Variants in OSBPL6 observed in about 807,000 individuals in gnomAD.
OSBPL6 encodes oxysterol binding protein like 6, also known as oxysterol-binding protein-related protein 6.
OSBPL6 carries 49 observed loss-of-function variants against 125.8 expected under a neutral mutation model. That is an observed-to-expected ratio of 0.39 (90% CI 0.31 to 0.49). The LOEUF (loss-of-function observed/expected upper bound fraction) is 0.49. Among genes scored for constraint, OSBPL6 ranks in the 20% least tolerant of loss-of-function variants. The probability of loss-of-function intolerance (pLI) is 0.88; values close to 1 mark genes in which losing one functional copy is unlikely to be tolerated. For missense variants in OSBPL6, 986 were observed against 1,135.4 expected, an observed-to-expected ratio of 0.87 and a Z score of 1.89; for synonymous variants, 394 against 391.8, an observed-to-expected ratio of 1.01 and a Z score of -0.07.
intron 14 of OSBPL6, among the ~76,000 whole-genome samples, chr2:178,373,381 T>C (rs1693579449): frequency 6.6e-6 from 1 of 152,222 alleles, no homozygotes; most frequent in African/African-American, 2.4e-5. Context: ...TTATCACTTA[T>C]TGAATAAAAG....
chr2:178,283,722 G>A (rs867236279), intron 1 of OSBPL6, among the ~76,000 whole-genome samples: 1 of 152,186 alleles, frequency 6.6e-6, no homozygotes, highest in African/African-American at 2.4e-5. Flanking sequence ...TAAGAAGCAC[G>A]GTGCTAGCAT....
At chr2:178,293,958 C>T (rs1342894052) in intron 2 of OSBPL6, among the ~76,000 whole-genome samples, 1 of 151,880 alleles carries the variant, frequency 6.6e-6, no homozygotes, top group Non-Finnish European at 1.5e-5. Context: ...AAATAGATCA[C>T]AGATTTAAAT....
intron 19 of OSBPL6, among the ~76,000 whole-genome samples, chr2:178,386,751 C>CT (rs199778280): frequency 0.021 from 3,182 of 151,450 alleles, 73 homozygotes; most frequent in East Asian, 0.13. Flanking sequence ...ACACACACAC[C>CT]GCACACACAC....
chr2:178,376,397 G>A (rs971384079), intron 15 of OSBPL6, among the ~76,000 whole-genome samples: 4 of 151,774 alleles, frequency 2.6e-5, no homozygotes, highest in Admixed American at 6.6e-5. Flanking sequence ...TGATTCACTC[G>A]GGTTCTATAG....
At chr2:178,200,756 T>G (rs1461433663) in intron 1 of OSBPL6, among the ~76,000 whole-genome samples, 1 of 152,206 alleles carries the variant, frequency 6.6e-6, no homozygotes, top group Non-Finnish European at 1.5e-5. Context: ...TCTTTAGGAC[T>G]TCCAGAAATG....
At chr2:178,307,277 G>A (rs1407172367) in intron 3 of OSBPL6, among the ~76,000 whole-genome samples, 3 of 152,046 alleles carry the variant, frequency 2.0e-5, no homozygotes, top group Non-Finnish European at 4.4e-5. Context: ...ATTCATTTTC[G>A]ATAGTGCAAG....
At chr2:178,219,110 C>T (rs1164634592) in intron 1 of OSBPL6, among the ~76,000 whole-genome samples, 1 of 151,962 alleles carries the variant, frequency 6.6e-6, no homozygotes, top group African/African-American at 2.4e-5. Context: ...CCTACTTGTC[C>T]AATTTGCCTT....
chr2:178,199,373 T>G (rs779515187), intron 1 of OSBPL6, among the ~76,000 whole-genome samples: 1 of 152,200 alleles, frequency 6.6e-6, no homozygotes, highest in Non-Finnish European at 1.5e-5. Flanking sequence ...CACTTAATAT[T>G]TCTGTTAATT....
chr2:178,316,456 G>A (rs1467417462), intron 3 of OSBPL6, among the ~76,000 whole-genome samples: 1 of 152,154 alleles, frequency 6.6e-6, no homozygotes, highest in Non-Finnish European at 1.5e-5. Flanking sequence ...TAGCCACACA[G>A]TGAAATATTG....
At chr2:178,392,390 T>A in intron 22 of OSBPL6, 22 bp from the exon 23 acceptor site, 1 of 1,613,208 alleles carries the variant, frequency 6.2e-7, no homozygotes, top group Non-Finnish European at 8.5e-7. Flanking sequence ...CCTCTCACAG[T>A]GGTTCATTGG....
At chr2:178,275,682 G>C (rs2092454805) in intron 1 of OSBPL6, among the ~76,000 whole-genome samples, 1 of 151,694 alleles carries the variant, frequency 6.6e-6, no homozygotes, top group African/African-American at 2.4e-5. Flanking sequence ...TAGGTTTAAG[G>C]CCTCAAAGCG....
intron 1 of OSBPL6, among the ~76,000 whole-genome samples, chr2:178,266,102 A>G (rs1199102717): frequency 6.6e-6 from 1 of 152,124 alleles, no homozygotes; most frequent in East Asian, 1.9e-4. Context: ...AGGAAACAGA[A>G]TTTGCTTTAG....
intron 5 of OSBPL6, among the ~76,000 whole-genome samples, chr2:178,329,813 CT>C: frequency 1.3e-5 from 2 of 152,314 alleles, no homozygotes; most frequent in South Asian, 4.1e-4. Context: ...TGGATTTCAT[CT>C]CAGGGCAGAT....
intron 1 of OSBPL6, among the ~76,000 whole-genome samples, chr2:178,211,818 A>C (rs192686804): frequency 5.1e-4 from 77 of 152,016 alleles, no homozygotes; most frequent in Admixed American, 1.1e-3. Flanking sequence ...ATTGTAATGC[A>C]CTGTGTTTTC....
At chr2:178,299,534 T>C (rs551980932) in intron 2 of OSBPL6, among the ~76,000 whole-genome samples, 3,993 of 133,530 alleles carry the variant, frequency 0.03, 78 homozygotes, top group Non-Finnish European at 0.042. Context: ...TTCCTTCCTT[T>C]CTTTGTTTTG....
upstream of OSBPL6, among the ~76,000 whole-genome samples, chr2:178,194,311 C>A (rs1458398045): frequency 2.6e-5 from 4 of 152,134 alleles, no homozygotes; most frequent in Admixed American, 6.5e-5. Context: ...GCCCATCTGG[C>A]GGCGCAGGGA....
chr2:178,278,626 G>C (rs1055807774), intron 1 of OSBPL6, among the ~76,000 whole-genome samples: 2 of 152,166 alleles, frequency 1.3e-5, no homozygotes, highest in Non-Finnish European at 2.9e-5. Context: ...AGGTAACAAT[G>C]ACTGAAATTT....
chr2:178,218,704 C>T (rs892171133), intron 1 of OSBPL6, among the ~76,000 whole-genome samples: 2 of 151,564 alleles, frequency 1.3e-5, no homozygotes, highest in South Asian at 2.1e-4. Flanking sequence ...ATCTCTGCCC[C>T]CTGCAACCTC....
At chr2:178,323,312 C>T (rs1688407920) in intron 3 of OSBPL6, among the ~76,000 whole-genome samples, 1 of 151,992 alleles carries the variant, frequency 6.6e-6, no homozygotes, top group African/African-American at 2.4e-5. Flanking sequence ...TGTACTTCAC[C>T]CATTTTTCTG....
Sources: allele counts gnomAD v4.1 joint callset (sites outside exome capture counted in the v4.1 genomes callset), GRCh38; gene constraint gnomAD v4.1.1; transcripts MANE v1.5; gene names NCBI Gene and HGNC (gene_info 2026-07-23, HGNC 2026-07-21).